The following ADAM19 variants were observed in gnomAD, a reference collection of about 807,000 sequenced individuals.
The protein encoded by ADAM19 is ADAM metallopeptidase domain 19, also known as disintegrin and metalloproteinase domain-containing protein 19.
ADAM19 carries 65 observed loss-of-function variants against 114.7 expected under a neutral mutation model. The ratio of observed to expected loss-of-function variants is 0.57; its 90% CI spans 0.46 to 0.70. ADAM19 has a LOEUF of 0.70. Ranked by LOEUF, ADAM19 falls within the 30% of genes least tolerant of loss-of-function variation. The pLI is 0.00. For synonymous variants in ADAM19, 466 were observed against 460.5 expected (o/e 1.01, Z -0.15); for missense variants, 1,063 against 1,204.7 (o/e 0.88, Z 1.74).
chr5:157,479,727 G>A lies in ADAM19; in HGVS notation c.*1222C>T. ...TCCCTGCTCTGACTGTTCCAGTGCAGCTGCTGCTGGCTGCCTTCTCCAGTG... is the reference window on the plus strand; with the variant it reads ...TCCCTGCTCTGACTGTTCCAGTGCAACTGCTGCTGGCTGCCTTCTCCAGTG... On this transcript the variant is annotated 3_prime_UTR_variant, in exon 23 of 23. Coordinates refer to ENST00000257527, the MANE Select transcript of ADAM19 (RefSeq NM_033274.5). 1 of 985,908 alleles carries A rather than the reference G, an allele frequency of 1.0e-6. No individual in the cohort carries two copies. Among genetic ancestry groups the A allele is most frequent in the Non-Finnish European group, 1.2e-6 (1 of 830,158 alleles). 61.1% of individuals were successfully genotyped at this position (985,908 alleles called of 1,614,324 possible). A position where few individuals can be genotyped will look rare whatever the true frequency, so the allele number is the denominator to read the frequency against.
chr5:157,478,599 G>A lies in ADAM19; in HGVS notation c.*2350C>T. On this transcript the variant is annotated 3_prime_UTR_variant, in exon 23 of 23. Coordinates refer to ENST00000257527, the MANE Select transcript of ADAM19 (RefSeq NM_033274.5). ...GCATACTGGGCACTGGAAAGAAAAGGGGATGCATAATGGCCAGTCTTCCTC... is the reference window on the plus strand; with the variant it reads ...GCATACTGGGCACTGGAAAGAAAAGAGGATGCATAATGGCCAGTCTTCCTC... The A allele has an allele frequency of 2.0e-6, 2 of 985,768 alleles. No individual in the cohort carries two copies. The highest frequency in any genetic ancestry group is 2.4e-6 in the Non-Finnish European group (2 of 829,930). The allele number at this position is 985,768 out of a possible 1,614,324, so 61.1% of individuals were successfully genotyped here. A position where few individuals can be genotyped will look rare whatever the true frequency, so the allele number is the denominator to read the frequency against.
At chr5:157,573,333 G>T (rs929490495) in intron 1 of ADAM19, among the ~76,000 whole-genome samples, 1 of 152,180 alleles carries the variant, frequency 6.6e-6, no homozygotes, top group Non-Finnish European at 1.5e-5. Context: ...TTATCTAGGG[G>T]AATGTACCAT....
chr5:157,482,852 T>C (rs1024302970), intron 21 of ADAM19, among the ~76,000 whole-genome samples: 1 of 152,176 alleles, frequency 6.6e-6, no homozygotes, highest in Non-Finnish European at 1.5e-5. Flanking sequence ...GTGGCACATA[T>C]ACACCATGGA....
intron 1 of ADAM19, among the ~76,000 whole-genome samples, chr5:157,571,385 G>C (rs1196453042): frequency 1.3e-5 from 2 of 152,160 alleles, no homozygotes; most frequent in Admixed American, 6.5e-5. Context: ...CCCAGGTAGA[G>C]GAAACAGCAA....
At position 157,479,209 on chromosome 5, in the gene ADAM19, C is replaced by A. The variant is rs1754677797; in HGVS notation, c.*1740G>T. 1.0e-6 allele frequency: 1 copy of A among 985,868 alleles called. No individual in the cohort carries two copies. The allele number at this position is 985,868 out of a possible 1,614,324, so 61.1% of individuals were successfully genotyped here. ...AGAAACTCATTTTCCTGAGATCTTTCTAAACCCAACCCAGGCTTTTCCCCC... is the reference window on the plus strand; with the variant it reads ...AGAAACTCATTTTCCTGAGATCTTTATAAACCCAACCCAGGCTTTTCCCCC... On this transcript the variant is annotated 3_prime_UTR_variant, in exon 23 of 23. Coordinates refer to ENST00000257527, the MANE Select transcript of ADAM19 (RefSeq NM_033274.5).
chr5:157,512,222 T>C (rs1370973955), intron 8 of ADAM19, among the ~76,000 whole-genome samples: 2 of 152,240 alleles, frequency 1.3e-5, no homozygotes, highest in Non-Finnish European at 2.9e-5. Flanking sequence ...CACTGACCAC[T>C]GACCTTTGTT....
At chr5:157,551,959 T>C (rs1032908631) in intron 3 of ADAM19, among the ~76,000 whole-genome samples, 9 of 152,078 alleles carry the variant, frequency 5.9e-5, no homozygotes, top group Admixed American at 2.6e-4. Context: ...CTGGTCAACA[T>C]GGCAAAACTT....
intron 3 of ADAM19, among the ~76,000 whole-genome samples, chr5:157,555,432 T>C (rs1757340614): frequency 1.3e-5 from 2 of 152,152 alleles, no homozygotes; most frequent in Admixed American, 6.5e-5. Flanking sequence ...ACTTGGGTAA[T>C]GTAGATAAGC....
At chr5:157,573,208 T>C (rs1226544052) in intron 1 of ADAM19, among the ~76,000 whole-genome samples, 1 of 152,058 alleles carries the variant, frequency 6.6e-6, no homozygotes, top group African/African-American at 2.4e-5. Context: ...AAGAGGAACA[T>C]AGTACATGTT....
intron 5 of ADAM19, among the ~76,000 whole-genome samples, chr5:157,529,189 G>C (rs1186121166): frequency 6.6e-6 from 1 of 152,164 alleles, no homozygotes; most frequent in Non-Finnish European, 1.5e-5. Flanking sequence ...CTCACACTGA[G>C]CCTGTGTATT....
chr5:157,477,476 A>G lies in ADAM19; in HGVS notation c.*3473T>C, dbSNP rs1000803133. 9.6e-7 allele frequency: 1 copy of G among 1,038,368 alleles called. No homozygotes were observed. The highest frequency in any genetic ancestry group is 1.7e-5 in the African/African-American group (1 of 59,744). The allele number at this position is 1,038,368 out of a possible 1,614,324, so 64.3% of individuals were successfully genotyped here. ...GAACAATCTCCCAAATAAAAAGAAA[A>G]TTCACATTGCCCTGGATCCCAGACA... On this transcript the variant is annotated 3_prime_UTR_variant, in exon 23 of 23. Coordinates refer to ENST00000257527, the MANE Select transcript of ADAM19 (RefSeq NM_033274.5).
chr5:157,488,601 T>A, intron 20 of ADAM19, 112 bp from the exon 21 acceptor site: 1 of 835,874 alleles, frequency 1.2e-6, no homozygotes, highest in Non-Finnish European at 1.8e-6. Flanking sequence ...ACCAATCTAT[T>A]AAACCCCTGA....
intron 3 of ADAM19, 45 bp from the exon 4 acceptor site, chr5:157,538,036 TC>T (rs769596509): frequency 6.8e-7 from 1 of 1,470,262 alleles, no homozygotes; most frequent in South Asian, 1.1e-5. Context: ...GTGGATGAAC[TC>T]CACCCTCCTA....
At chr5:157,553,380 G>A (rs1757258051) in intron 3 of ADAM19, among the ~76,000 whole-genome samples, 2 of 152,096 alleles carry the variant, frequency 1.3e-5, no homozygotes, top group South Asian at 4.2e-4. Context: ...TTGTTTCATG[G>A]GCTAAAAAGT....
Position 157,496,879 on chromosome 5 carries a change from C to T in ADAM19, c.1594+15G>A. ...GGTGGGCTGGGGAGAGCCGTGCTCC[C>T]CAGGAGAGCCTTACCGGGTCCCCAC... On this transcript the variant is annotated intron_variant, in intron 14 of 22. Transcript: ENST00000257527. The T allele has an allele frequency of 1.9e-6, 3 of 1,550,502 alleles. No individual in the cohort carries two copies. The South Asian group carries it at 3.6e-5, about 19-fold the overall frequency.
chr5:157,544,913 T>C (rs981970765), intron 3 of ADAM19, among the ~76,000 whole-genome samples: 1 of 151,912 alleles, frequency 6.6e-6, no homozygotes, highest in African/African-American at 2.4e-5. Flanking sequence ...TGCCATATCA[T>C]AAAGAAAAAC....
chr5:157,481,691 C>T lies in ADAM19; in HGVS notation c.2703+100G>A, dbSNP rs923132989. 19 of 1,551,658 alleles carry T rather than the reference C, an allele frequency of 1.2e-5. No homozygotes were observed. In the East Asian group the frequency reaches 4.6e-4, roughly 38 times the overall value. On this transcript the variant is annotated intron_variant, in intron 22 of 22. Transcript: ENST00000257527. ...TTTTGTTCTGGAAGTTCAGTCCAGA[C>T]CACAAGAAGCATGAATTGCTTTGTT...
At chr5:157,491,130 A>G (rs1755139401) in intron 18 of ADAM19, among the ~76,000 whole-genome samples, 1 of 150,876 alleles carries the variant, frequency 6.6e-6, no homozygotes, top group Non-Finnish European at 1.5e-5. Context: ...GTTATTTGCT[A>G]TTTTTTTTAA....
rs1333061129 is a variant in ADAM19 at position 157,542,518 on chromosome 5, C to T, written c.252-4527G>A. 4.6e-5 allele frequency among the ~76,000 whole-genome samples: 7 copies of T among 152,180 alleles called. No individual in the cohort carries two copies. In the South Asian group the frequency reaches 6.2e-4, roughly 13 times the overall value. Reference sequence around the variant, plus strand: ...ATGGTTCCTCTCAATGTCACACAAGCGTACAGCCAGGGCTGGGTGCAATGG... The same window carrying T: ...ATGGTTCCTCTCAATGTCACACAAGTGTACAGCCAGGGCTGGGTGCAATGG... On this transcript the variant is annotated intron_variant, in intron 3 of 22. Transcript: ENST00000257527.
Sources: allele counts gnomAD v4.1 joint callset (sites outside exome capture counted in the v4.1 genomes callset), GRCh38; gene constraint gnomAD v4.1.1; transcripts MANE v1.5; gene names NCBI Gene and HGNC (gene_info 2026-07-23, HGNC 2026-07-21).